Variants in STK3 observed in about 807,000 individuals in gnomAD.
STK3 encodes the protein serine/threonine-protein kinase 3.
A neutral mutation model predicts 58.0 loss-of-function variants in STK3; 41 were observed. That is an observed-to-expected ratio of 0.71 (90% CI 0.55 to 0.92). The LOEUF (loss-of-function observed/expected upper bound fraction) is 0.92. Ranked by LOEUF, STK3 falls within the 40% of genes least tolerant of loss-of-function variation. The probability of loss-of-function intolerance (pLI) is 0.00; values close to 1 mark genes in which losing one functional copy is unlikely to be tolerated. For missense variants in STK3, 479 were observed against 602.7 expected, an observed-to-expected ratio of 0.79 and a Z score of 2.15; for synonymous variants, 170 against 191.0, an observed-to-expected ratio of 0.89 and a Z score of 0.91.
At chr8:98,579,820 C>A (rs781421326) in intron 7 of STK3, 31 bp from the exon 8 acceptor site, 10 of 1,538,908 alleles carry the variant, frequency 6.5e-6, no homozygotes, top group South Asian at 1.2e-5. Context: ...GGTATAAATT[C>A]AAAAGATTTT....
intron 4 of STK3, among the ~76,000 whole-genome samples, chr8:98,743,687 T>G (rs575134446): frequency 6.6e-6 from 1 of 152,126 alleles, no homozygotes; most frequent in African/African-American, 2.4e-5. Flanking sequence ...AAGGACTTCA[T>G]GTCTAAAACA....
rs145594726 is a variant in STK3 at position 98,936,915 on chromosome 8, G to T, written c.-79+5463C>A. The stretch of plus-strand genomic sequence containing the variant: ...ATGGGGGAAAGGACAAGGGAAGAGG[G>T]GTTTGGTGACTGAAAAGTGAAGTAT... On this transcript the variant is annotated intron_variant, in intron 1 of 1. Coordinates refer to the STK3 transcript ENST00000519420. Among the ~76,000 whole-genome samples, 5 of 152,316 alleles carry T rather than the reference G, an allele frequency of 3.3e-5. No individual in the cohort carries two copies. The East Asian group carries it at 9.6e-4, about 29-fold the overall frequency.
At chr8:98,413,347 C>T in intron 3 of STK3, 1 of 512,958 alleles carries the variant, frequency 1.9e-6, no homozygotes, top group South Asian at 1.5e-5. Flanking sequence ...TGCTGGTACA[C>T]CTACTTGAGC....
At chr8:98,618,961 C>A (rs1401623918) in intron 6 of STK3, among the ~76,000 whole-genome samples, 1 of 149,892 alleles carries the variant, frequency 6.7e-6, no homozygotes, top group Non-Finnish European at 1.5e-5. Context: ...TTGGAAAAAA[C>A]TACTTTAAAG....
chr8:98,527,481 G>A (rs759930272), intron 9 of STK3, among the ~76,000 whole-genome samples: 1 of 152,022 alleles, frequency 6.6e-6, no homozygotes, highest in African/African-American at 2.4e-5. Context: ...TTAGCCAGGT[G>A]TGGTGGCACC....
chr8:98,888,297 C>T (rs1013599954), intron 1 of STK3, among the ~76,000 whole-genome samples: 32 of 151,894 alleles, frequency 2.1e-4, no homozygotes, highest in Non-Finnish European at 3.5e-4. Flanking sequence ...CCAGCCTGGG[C>T]GACAGAGTGA....
chr8:98,780,801 G>T (rs1468262072), intron 1 of STK3, among the ~76,000 whole-genome samples: 1 of 152,112 alleles, frequency 6.6e-6, no homozygotes, highest in Non-Finnish European at 1.5e-5. Flanking sequence ...TCAGCACATT[G>T]CTTAAAGCTT....
chr8:98,900,846 G>A (rs1225826533), intron 1 of STK3, among the ~76,000 whole-genome samples: 4 of 151,726 alleles, frequency 2.6e-5, no homozygotes, highest in Admixed American at 6.6e-5. Context: ...ATTTTTAGTA[G>A]AGACAGGATT....
At chr8:98,508,617 G>C (rs1304509165) in intron 10 of STK3, among the ~76,000 whole-genome samples, 1 of 151,966 alleles carries the variant, frequency 6.6e-6, no homozygotes, top group African/African-American at 2.4e-5. Context: ...ACTTTAAATG[G>C]GTGAGTTATA....
chr8:98,427,952 C>T (rs1202139208), intron 3 of STK3: 1 of 1,472,030 alleles, frequency 6.8e-7, no homozygotes, highest in Non-Finnish European at 9.0e-7. Flanking sequence ...AGCGCCCCCG[C>T]GCGGCGCGGG....
At chr8:98,626,769 A>G (rs2130454418) in intron 6 of STK3, among the ~76,000 whole-genome samples, 1 of 152,334 alleles carries the variant, frequency 6.6e-6, no homozygotes, top group East Asian at 1.9e-4. Context: ...GCATGGGGAA[A>G]TAAGAAATTT....
At chr8:98,754,371 G>T (rs1830161652) in intron 3 of STK3, among the ~76,000 whole-genome samples, 1 of 151,922 alleles carries the variant, frequency 6.6e-6, no homozygotes. Flanking sequence ...TGTGACCCAA[G>T]CCCACACTCC....
At chr8:98,900,550 A>G (rs1838616929) in intron 1 of STK3, among the ~76,000 whole-genome samples, 1 of 152,184 alleles carries the variant, frequency 6.6e-6, no homozygotes, top group Non-Finnish European at 1.5e-5. Context: ...TTTACAGTAT[A>G]CAACTTGATA....
intron 7 of STK3, among the ~76,000 whole-genome samples, chr8:98,585,399 T>C (rs1320867605): frequency 6.6e-6 from 1 of 152,016 alleles, no homozygotes; most frequent in Admixed American, 6.6e-5. Flanking sequence ...AAAGATCAGA[T>C]AGTTGTAGAT....
intron 1 of STK3, among the ~76,000 whole-genome samples, chr8:98,913,448 C>T (rs1237784392): frequency 6.6e-6 from 1 of 152,218 alleles, no homozygotes; most frequent in Non-Finnish European, 1.5e-5. Context: ...AGCCCATCCT[C>T]TTAGCTGGAG....
intron 3 of STK3, among the ~76,000 whole-genome samples, chr8:98,862,919 T>C (rs1836987605): frequency 6.6e-6 from 1 of 152,218 alleles, no homozygotes; most frequent in African/African-American, 2.4e-5. Flanking sequence ...GATTCAGGCA[T>C]TCACTTGGTG....
rs745829383 is a variant in STK3 at position 98,774,732 on chromosome 8, T to C, written c.107+7A>G. The C allele has an allele frequency of 2.5e-6, 4 of 1,569,652 alleles. No homozygotes were observed. The highest frequency in any genetic ancestry group is 1.4e-5 in the African/African-American group (1 of 73,088). On this transcript the variant is annotated splice_region_variant and intron_variant, in intron 2 of 10. Coordinates refer to ENST00000419617, the MANE Select transcript of STK3 (RefSeq NM_006281.4). ...TATTTACATGCTTTCATACTTTTTG[T>C]ACTTACCCTTCTCCAAGCTTCTCTA...
intron 6 of STK3, among the ~76,000 whole-genome samples, chr8:98,705,420 A>C (rs1797120304): frequency 6.6e-6 from 1 of 152,096 alleles, no homozygotes; most frequent in Non-Finnish European, 1.5e-5. Flanking sequence ...CTCAAAAGAA[A>C]AAAAAAAAAA....
chr8:98,408,871 G>A (rs897347022), intron 3 of STK3, among the ~76,000 whole-genome samples: 2 of 152,116 alleles, frequency 1.3e-5, no homozygotes, highest in African/African-American at 4.8e-5. Context: ...CATTTTTCTG[G>A]ACCAGTCCTG....
Sources: allele counts gnomAD v4.1 joint callset (sites outside exome capture counted in the v4.1 genomes callset), GRCh38; gene constraint gnomAD v4.1.1; transcripts MANE v1.5; gene names NCBI Gene and HGNC (gene_info 2026-07-23, HGNC 2026-07-21).